RIC1: variants seen among roughly 807,000 people sequenced by gnomAD.
The protein encoded by RIC1 is RIC1 partner of RAB6A GEF complex, also known as guanine nucleotide exchange factor subunit RIC1.
A neutral mutation model predicts 169.0 loss-of-function variants in RIC1; 88 were observed. The observed-to-expected ratio is 0.52, with a 90% CI of 0.44 to 0.62. The LOEUF is 0.62. RIC1 is among the 20% of genes least tolerant of loss of function. RIC1 has a pLI of 0.00. For synonymous variants in RIC1, 790 were observed against 601.5 expected (o/e 1.31, Z -4.59); for missense variants, 1,877 against 1,725.5 (o/e 1.09, Z -1.56).
intron 2 of RIC1, among the ~76,000 whole-genome samples, chr9:5,662,756 A>G (rs1253646697): frequency 1.3e-5 from 2 of 151,986 alleles, no homozygotes; most frequent in African/African-American, 4.8e-5. Flanking sequence ...CTAGCAGTCT[A>G]TGTATTCTAT....
intron 3 of RIC1, among the ~76,000 whole-genome samples, chr9:5,694,901 T>C (rs774878573): frequency 1.3e-5 from 2 of 152,002 alleles, no homozygotes; most frequent in African/African-American, 2.4e-5. Context: ...ATTTAAAAAG[T>C]ATTGAATTTT....
At chr9:5,691,727 GT>G (rs1296777416) in intron 3 of RIC1, among the ~76,000 whole-genome samples, 1 of 151,810 alleles carries the variant, frequency 6.6e-6, no homozygotes, top group Non-Finnish European at 1.5e-5. Context: ...TACTATGTTT[GT>G]TTTATTGCTT....
intron 5 of RIC1, 84 bp downstream of exon 5, chr9:5,720,408 T>G: frequency 1.5e-6 from 2 of 1,372,334 alleles, no homozygotes; most frequent in South Asian, 2.8e-5. Context: ...GAACACTTCT[T>G]TGGAATTACT....
chr9:5,756,370 T>G lies in RIC1; in HGVS notation c.1851T>G (p.Asp617Glu). Residue 617 changes from aspartate (D) to glutamate (E), a missense_variant and splice_region_variant, in exon 16 of 26, where the codon GAT becomes GAG. Asp to Glu is a conservative substitution (Grantham distance 45). Transcript: ENST00000414202. ...TTTACAGTATTGAAAGAAAATCTGATGGGTAAGTATCTGGCATATGAGAAG... is the reference window on the plus strand; with the variant it reads ...TTTACAGTATTGAAAGAAAATCTGAGGGGTAAGTATCTGGCATATGAGAAG... ...ICLYSIERKSDGPNTTAGIQV... is the reference protein window; with the variant it reads ...ICLYSIERKSEGPNTTAGIQV... The G allele has an allele frequency of 6.8e-7, 1 of 1,461,044 alleles. No homozygotes were observed. Among genetic ancestry groups the G allele is most frequent in the Non-Finnish European group, 9.2e-7 (1 of 1,091,058 alleles). 90.5% of individuals were successfully genotyped at this position (1,461,044 alleles called of 1,614,324 possible).
intron 4 of RIC1, among the ~76,000 whole-genome samples, chr9:5,718,709 C>G (rs1318453766): frequency 3.9e-5 from 6 of 152,142 alleles, no homozygotes; most frequent in African/African-American, 7.2e-5. Flanking sequence ...GATTTTATCA[C>G]TGAAATATAA....
chr9:5,747,273 G>A lies in RIC1; in HGVS notation c.1249-29G>A, dbSNP rs567564251. 6 of 1,540,422 alleles carry A rather than the reference G, an allele frequency of 3.9e-6. No individual in the cohort carries two copies. The African/African-American group carries it at 6.8e-5, about 18-fold the overall frequency. On this transcript the variant is annotated intron_variant, in intron 11 of 25. Transcript: ENST00000414202. ...TTGTTTTTATTTGTTTTCCTCCTTT[G>A]CCCTTTTGTTCCTCTTTCCCTCATT... is the stretch of plus-strand genomic sequence containing the variant.
At chr9:5,724,735 A>G (rs905819047) in intron 6 of RIC1, among the ~76,000 whole-genome samples, 3 of 152,298 alleles carry the variant, frequency 2.0e-5, no homozygotes, top group Middle Eastern at 6.8e-3. Context: ...CGTCCCATCA[A>G]TACCTAGTTT....
downstream of RIC1, among the ~76,000 whole-genome samples, chr9:5,777,726 G>A (rs1827667500): frequency 6.6e-6 from 1 of 152,106 alleles, no homozygotes. Context: ...CTATTCAATT[G>A]TCAGAGCACC....
intron 2 of RIC1, among the ~76,000 whole-genome samples, chr9:5,668,685 T>C (rs1180144135): frequency 4.6e-5 from 7 of 152,202 alleles, no homozygotes; most frequent in Admixed American, 4.6e-4. Flanking sequence ...AGTGAATTTT[T>C]CATTTTAGTT....
intron 12 of RIC1, among the ~76,000 whole-genome samples, chr9:5,747,919 T>C (rs892210900): frequency 3.3e-5 from 5 of 152,168 alleles, no homozygotes; most frequent in African/African-American, 1.2e-4. Context: ...AGGGGCCACG[T>C]TGAGGTTAAT....
chr9:5,755,344 A>C (rs1196646154), intron 15 of RIC1, among the ~76,000 whole-genome samples: 1 of 152,234 alleles, frequency 6.6e-6, no homozygotes, highest in Non-Finnish European at 1.5e-5. Flanking sequence ...ACTGAACCCT[A>C]TATAGCACTA....
At chr9:5,773,105 G>C in intron 25 of RIC1, 25 bp downstream of exon 25, 3 of 1,507,840 alleles carry the variant, frequency 2.0e-6, no homozygotes, top group Non-Finnish European at 2.7e-6. Flanking sequence ...CCTTAGGCTT[G>C]GTGTCCTTCC....
At chr9:5,727,928 C>G (rs1254677282) in intron 6 of RIC1, among the ~76,000 whole-genome samples, 1 of 152,164 alleles carries the variant, frequency 6.6e-6, no homozygotes. Context: ...GGGCACCCAG[C>G]TGGATTGAGG....
At chr9:5,740,938 A>G (rs1210248152) in intron 8 of RIC1, among the ~76,000 whole-genome samples, 1 of 152,068 alleles carries the variant, frequency 6.6e-6, no homozygotes, top group Non-Finnish European at 1.5e-5. Flanking sequence ...TGCCCACCAT[A>G]TCTTTGACCA....
intron 2 of RIC1, among the ~76,000 whole-genome samples, chr9:5,673,301 AG>A (rs1820220498): frequency 6.6e-6 from 1 of 152,020 alleles, no homozygotes; most frequent in East Asian, 1.9e-4. Flanking sequence ...TGAAAAGATA[AG>A]CATCACTAGC....
intron 8 of RIC1, 139 bp downstream of exon 8, chr9:5,738,677 T>C (rs1187003663): frequency 2.1e-6 from 1 of 466,512 alleles, no homozygotes; most frequent in Middle Eastern, 5.6e-4. Context: ...GTAAACTGGC[T>C]CAAGTCTGGA....
intron 1 of RIC1, among the ~76,000 whole-genome samples, chr9:5,635,276 A>T (rs1157331181): frequency 6.6e-6 from 1 of 152,138 alleles, no homozygotes; most frequent in Non-Finnish European, 1.5e-5. Context: ...CACCACACCC[A>T]GTCCTTATTC....
At chr9:5,756,021 A>G (rs1825988966) in intron 15 of RIC1, among the ~76,000 whole-genome samples, 191 bp from the exon 16 acceptor site, 1 of 151,800 alleles carries the variant, frequency 6.6e-6, no homozygotes, top group Non-Finnish European at 1.5e-5. Flanking sequence ...TTGCTTACTC[A>G]TAGAATGAGC....
intron 8 of RIC1, among the ~76,000 whole-genome samples, chr9:5,740,072 G>A (rs1016926789): frequency 6.6e-6 from 1 of 152,178 alleles, no homozygotes; most frequent in Non-Finnish European, 1.5e-5. Flanking sequence ...TGGAATCCCT[G>A]AGTTCATCAT....
Sources: gnomAD v4.1 joint callset for allele counts (sites outside exome capture counted in the v4.1 genomes callset) on GRCh38, gnomAD v4.1.1 for gene constraint, MANE v1.5 for transcripts, NCBI Gene and HGNC (gene_info 2026-07-23, HGNC 2026-07-21) for gene names.